AGAP1: variants seen among roughly 807,000 people sequenced by gnomAD.
AGAP1 encodes the protein arf-GAP with GTPase, ANK repeat and PH domain-containing protein 1.
In AGAP1, 29 loss-of-function variants were observed where a neutral mutation model predicts 105.3. The ratio of observed to expected loss-of-function variants is 0.28; its 90% confidence interval spans 0.21 to 0.38. AGAP1 has a LOEUF of 0.38. AGAP1 is among the 10% of genes least tolerant of loss of function. AGAP1 has a pLI of 1.00. For missense variants in AGAP1, 998 were observed against 1,165.1 expected, an observed-to-expected ratio of 0.86 and a Z score of 2.09; for synonymous variants, 509 against 485.9, an observed-to-expected ratio of 1.05 and a Z score of -0.63.
intron 3 of AGAP1, among the ~76,000 whole-genome samples, chr2:235,718,183 A>T (rs904942274): frequency 1.3e-5 from 2 of 152,084 alleles, no homozygotes; most frequent in African/African-American, 4.8e-5. Context: ...TAACATGTCC[A>T]TATTTTATTT....
intron 1 of AGAP1, among the ~76,000 whole-genome samples, chr2:235,683,865 C>CCT (rs1949231517): frequency 9.4e-5 from 14 of 148,708 alleles, no homozygotes; most frequent in Non-Finnish European, 1.5e-4. Flanking sequence ...GTCCCCCGCC[C>CCT]GGCCCCAGTG....
At position 235,550,970 on chromosome 2, in the gene AGAP1, C is replaced by T. The variant is rs1559242245; in HGVS notation, c.163+56121C>T. ...TTGTATTTTAGTAGAAATGGGGTTT[C>T]ACCATGTTGGGCAGGCTGGTCTCGA... is the stretch of plus-strand genomic sequence containing the variant. On this transcript the variant is annotated intron_variant, in intron 1 of 17. Transcript: ENST00000304032. The surrounding 1 kb of genome is among the most constrained non-coding windows in gnomAD (Gnocchi z 4.6). Among the ~76,000 whole-genome samples, 1 of 152,046 alleles carries T rather than the reference C, an allele frequency of 6.6e-6. No individual in the cohort carries two copies. The highest frequency in any genetic ancestry group is 1.5e-5 in the Non-Finnish European group (1 of 68,012).
At chr2:235,707,435 G>A (rs940074879) in intron 1 of AGAP1, among the ~76,000 whole-genome samples, 30 of 147,124 alleles carry the variant, frequency 2.0e-4, no homozygotes, top group Non-Finnish European at 3.0e-5. Flanking sequence ...TGCAGGGCCC[G>A]TGGCATCTGG....
In AGAP1 at chr2:235,891,730, G is replaced by A. The variant is rs913124423; in HGVS notation, c.1155+8281G>A. ...AAGCCAAGGACTTCAAGGTGCCCCT[G>A]TCTAGGAAAGCTCACCAGTGTTCCG... On this transcript the variant is annotated intron_variant, in intron 10 of 17. Transcript: ENST00000304032. This position sits in a 1 kb window ranked among gnomAD's most constrained non-coding sequence, Gnocchi z 4.2. Among the ~76,000 whole-genome samples the A allele has an allele frequency of 3.0e-4, 46 of 152,300 alleles. 1 individual carries two copies. Among genetic ancestry groups the A allele is most frequent in the Admixed American group, 2.2e-3 (33 of 15,300 alleles).
At chr2:235,759,110 T>C (rs1176129844) in intron 6 of AGAP1, among the ~76,000 whole-genome samples, 1 of 150,968 alleles carries the variant, frequency 6.6e-6, no homozygotes, top group Non-Finnish European at 1.5e-5. Context: ...GGGGGTTTGA[T>C]GCTGGTTTGG....
chr2:236,075,157 T>C (rs1316833653), intron 16 of AGAP1, among the ~76,000 whole-genome samples: 2 of 152,090 alleles, frequency 1.3e-5, no homozygotes, highest in Non-Finnish European at 2.9e-5. Flanking sequence ...AGCGGTTGCG[T>C]CGGTGTGGAA....
Position 235,960,445 on chromosome 2 carries a change from A to G in AGAP1, c.1484-8017A>G, listed in dbSNP as rs568556905. On this transcript the variant is annotated intron_variant, in intron 12 of 17. Transcript: ENST00000304032. This position sits in a 1 kb window ranked among gnomAD's most constrained non-coding sequence, Gnocchi z 4.9. ...CTGGGCTTTCTCCCGGTGCAATGAC[A>G]CCTTCATCTCCCTGTTGGTCCCATT... is the stretch of plus-strand genomic sequence containing the variant. Among the ~76,000 whole-genome samples the G allele has an allele frequency of 3.3e-5, 5 of 151,994 alleles. No individual in the cohort carries two copies. The South Asian group carries it at 6.3e-4, about 19-fold the overall frequency.
rs1484529864 is a variant in AGAP1 at position 235,925,409 on chromosome 2, G to C, written c.1325-5356G>C. 9.2e-5 allele frequency among the ~76,000 whole-genome samples: 14 copies of C among 152,222 alleles called. No homozygotes were observed. In the East Asian group the frequency reaches 2.7e-3, roughly 30 times the overall value. On this transcript the variant is annotated intron_variant, in intron 11 of 17. Transcript: ENST00000304032. ...TTCTGTAGCAAAACGGCTGTGTGTTGAGGTGGTCCCTGATGGAGACAATCC... is the reference window on the plus strand; with the variant it reads ...TTCTGTAGCAAAACGGCTGTGTGTTCAGGTGGTCCCTGATGGAGACAATCC...
At chr2:235,683,784 G>A (rs1949223041) in intron 1 of AGAP1, among the ~76,000 whole-genome samples, 1 of 151,562 alleles carries the variant, frequency 6.6e-6, no homozygotes, top group African/African-American at 2.4e-5. Context: ...GTGCCATGTT[G>A]GCTTGCTGCA....
intron 16 of AGAP1, among the ~76,000 whole-genome samples, chr2:236,099,401 G>A (rs1053588070): frequency 6.7e-6 from 1 of 150,072 alleles, no homozygotes; most frequent in Non-Finnish European, 1.5e-5. Flanking sequence ...GTTGCGGTGA[G>A]CCGAGATCAC....
intron 11 of AGAP1, among the ~76,000 whole-genome samples, chr2:235,916,246 AG>A (rs975011380): frequency 1.3e-5 from 2 of 152,206 alleles, no homozygotes; most frequent in Non-Finnish European, 2.9e-5. Context: ...TGGCTTCTCA[AG>A]ATGTGCATGG....
In AGAP1 at chr2:236,073,287, G is replaced by C. The variant is rs1300745438; in HGVS notation, c.2114+24006G>C. Among the ~76,000 whole-genome samples, 2 of 152,186 alleles carry C rather than the reference G, an allele frequency of 1.3e-5. No homozygotes were observed. The highest frequency in any genetic ancestry group is 2.9e-5 in the Non-Finnish European group (2 of 68,046). On this transcript the variant is annotated intron_variant, in intron 16 of 17. Coordinates refer to ENST00000304032, the MANE Select transcript of AGAP1 (RefSeq NM_001037131.3). This position sits in a 1 kb window ranked among gnomAD's most constrained non-coding sequence, Gnocchi z 5.4. ...TGGGATTACAGATGTGAGCCACCGT[G>C]CCTGGCCTATATTCTTCTTTTATTC...
At chr2:236,031,370 C>T (rs2057219444) in intron 13 of AGAP1, among the ~76,000 whole-genome samples, 1 of 152,138 alleles carries the variant, frequency 6.6e-6, no homozygotes, top group Non-Finnish European at 1.5e-5. Flanking sequence ...GGCAGGCACG[C>T]CACGGGCACC....
chr2:235,854,661 G>A (rs1247258800), intron 9 of AGAP1, among the ~76,000 whole-genome samples: 1 of 152,232 alleles, frequency 6.6e-6, no homozygotes, highest in Non-Finnish European at 1.5e-5. Context: ...ACTTGGGGAT[G>A]TTTCTTACTC....
chr2:235,546,979 CA>C (rs770570327), intron 1 of AGAP1, among the ~76,000 whole-genome samples: 1 of 152,210 alleles, frequency 6.6e-6, no homozygotes, highest in Non-Finnish European at 1.5e-5. Flanking sequence ...CCTGCTGTGG[CA>C]GCCATAAAAC....
rs567020816 is a variant in AGAP1 at position 235,754,276 on chromosome 2, C to T, written c.673+3788C>T. ...GCCAGCAGGGCCCCTGCCTGCTCGC[C>T]GACTCAGTTTATTCACATTTCTTGA... On this transcript the variant is annotated intron_variant, in intron 6 of 17. Coordinates refer to ENST00000304032, the MANE Select transcript of AGAP1 (RefSeq NM_001037131.3). This position sits in a 1 kb window ranked among gnomAD's most constrained non-coding sequence, Gnocchi z 4.6. Among the ~76,000 whole-genome samples, 27 of 152,250 alleles carry T rather than the reference C, an allele frequency of 1.8e-4. No homozygotes were observed. Among genetic ancestry groups the T allele is most frequent in the Non-Finnish European group, 2.9e-5 (2 of 68,022 alleles).
rs1238892048 is a variant in AGAP1 at position 235,535,314 on chromosome 2, C to G, written c.163+40465C>G. Among the ~76,000 whole-genome samples, 2 of 152,002 alleles carry G rather than the reference C, an allele frequency of 1.3e-5. No individual in the cohort carries two copies. The highest frequency in any genetic ancestry group is 2.9e-5 in the Non-Finnish European group (2 of 67,994). On this transcript the variant is annotated intron_variant, in intron 1 of 17. Coordinates refer to ENST00000304032, the MANE Select transcript of AGAP1 (RefSeq NM_001037131.3). The surrounding 1 kb of genome is among the most constrained non-coding windows in gnomAD (Gnocchi z 5.1). ...GGGCGTGCGAACTTCCAGGTAGAGC[C>G]GAGTTCAAGAAAATGAAGTACTGCA...
In AGAP1 at chr2:235,737,055, A is replaced by G. The variant is rs1346580887; in HGVS notation, c.311-3908A>G. ...AATTTTAAAGTGTTACCTACCTGCC[A>G]GCCCAGACTTCTCAAGGCCCAGTGG... is the stretch of plus-strand genomic sequence containing the variant. On this transcript the variant is annotated intron_variant, in intron 3 of 17. Transcript: ENST00000304032. This position sits in a 1 kb window ranked among gnomAD's most constrained non-coding sequence, Gnocchi z 4.5. Among the ~76,000 whole-genome samples the G allele has an allele frequency of 6.6e-6, 1 of 152,208 alleles. No individual in the cohort carries two copies. Among genetic ancestry groups the G allele is most frequent in the Non-Finnish European group, 1.5e-5 (1 of 68,026 alleles).
At chr2:235,515,361 ACTT>A (rs985069552) in intron 1 of AGAP1, among the ~76,000 whole-genome samples, 1 of 152,132 alleles carries the variant, frequency 6.6e-6, no homozygotes, top group African/African-American at 2.4e-5. Flanking sequence ...AGATTCTGCC[ACTT>A]CTTGGCCAGG....
Sources: allele counts gnomAD v4.1 joint callset (sites outside exome capture counted in the v4.1 genomes callset), GRCh38; gene constraint gnomAD v4.1.1; non-coding constraint Gnocchi (gnomAD v3.1); transcripts MANE v1.5; gene names NCBI Gene and HGNC (gene_info 2026-07-23, HGNC 2026-07-21).